Variants in CNTNAP2 observed in about 807,000 individuals in gnomAD.
CNTNAP2 encodes the protein contactin associated protein 2.
Under a neutral mutation model 155.2 loss-of-function variants are expected in CNTNAP2, and 98 were observed. That is an observed-to-expected ratio of 0.63 (90% confidence interval 0.54 to 0.75). The LOEUF (loss-of-function observed/expected upper bound fraction) is 0.75. Among genes scored for constraint, CNTNAP2 ranks in the 30% least tolerant of loss-of-function variants. CNTNAP2 has a pLI of 0.00. For synonymous variants in CNTNAP2, 651 were observed against 631.2 expected, an observed-to-expected ratio of 1.03 and a Z score of -0.47; for missense variants, 1,727 against 1,688.1, an observed-to-expected ratio of 1.02 and a Z score of -0.40.
intron 11 of CNTNAP2, among the ~76,000 whole-genome samples, chr7:147,492,167 C>G (rs1438832681): frequency 6.6e-6 from 1 of 152,152 alleles, no homozygotes; most frequent in Non-Finnish European, 1.5e-5. Flanking sequence ...TGAAACTGTT[C>G]CACCTCAGAT....
intron 1 of CNTNAP2, among the ~76,000 whole-genome samples, chr7:146,666,182 T>C (rs1800191632): frequency 1.3e-5 from 2 of 152,126 alleles, no homozygotes; most frequent in Non-Finnish European, 2.9e-5. Context: ...GTGTCTTCTA[T>C]TATACTTTTT....
chr7:146,206,932 G>A (rs1235160652), intron 1 of CNTNAP2, among the ~76,000 whole-genome samples: 2 of 151,750 alleles, frequency 1.3e-5, no homozygotes, highest in East Asian at 3.9e-4. Context: ...TTTCTTTTAT[G>A]CTATTTTTGC....
chr7:148,371,654 A>G (rs1206823517), intron 21 of CNTNAP2, among the ~76,000 whole-genome samples: 3 of 152,230 alleles, frequency 2.0e-5, no homozygotes, highest in South Asian at 4.1e-4. Flanking sequence ...ACTCTCATGC[A>G]TCACTGAACG....
chr7:146,835,047 A>G (rs1803589995), intron 2 of CNTNAP2, among the ~76,000 whole-genome samples: 1 of 152,196 alleles, frequency 6.6e-6, no homozygotes, highest in African/African-American at 2.4e-5. Flanking sequence ...TATTCTCTCC[A>G]CATATATTTC....
intron 1 of CNTNAP2, among the ~76,000 whole-genome samples, chr7:146,421,372 C>T (rs533220064): frequency 3.7e-4 from 56 of 152,030 alleles, no homozygotes; most frequent in African/African-American, 1.3e-3. Context: ...GTCCCTGGCT[C>T]TTGCTTAACT....
chr7:146,767,372 G>A lies in CNTNAP2; in HGVS notation c.98-6899G>A, dbSNP rs10280082. ...TCAGTAAGTGAAAAGGTATGTTAAA[G>A]ACCAGATTGTAAATGTTTTTTGTTT... On this transcript the variant is annotated intron_variant, in intron 1 of 23. Transcript: ENST00000361727. Among the ~76,000 whole-genome samples, 1,322 of 152,056 alleles carry A rather than the reference G, an allele frequency of 8.7e-3. 21 individuals are homozygous for A. The highest frequency in any genetic ancestry group is 0.03 in the African/African-American group (1,239 of 41,346).
intron 1 of CNTNAP2, among the ~76,000 whole-genome samples, chr7:146,154,890 G>A (rs1487149573): frequency 1.3e-5 from 2 of 152,160 alleles, no homozygotes; most frequent in African/African-American, 4.8e-5. Flanking sequence ...ATACTCTTCA[G>A]GGGGTTTCCT....
At position 147,128,814 on chromosome 7, in the gene CNTNAP2, A is replaced by G. The variant is rs1180365569; in HGVS notation, c.1061A>G (p.Lys354Arg). 1.2e-6 allele frequency: 2 copies of G among 1,614,058 alleles called. No individual in the cohort carries two copies. Among genetic ancestry groups the G allele is most frequent in the African/African-American group, 1.3e-5 (1 of 75,044 alleles). ...AACATTACTGATCTTGCCAGAAGGA[A>G]GAAATTAGAGCCCTCAAATGTGGTA... ...GVNITDLARRKKLEPSNVGNL... is the reference protein window; with the variant it reads ...GVNITDLARRRKLEPSNVGNL... The change falls in exon 7 of 24, where the codon AAG (lysine) becomes AGG (arginine). Residue 354 changes from lysine (K) to arginine (R), a missense_variant. Coordinates refer to ENST00000361727, the MANE Select transcript of CNTNAP2 (RefSeq NM_014141.6).
intron 12 of CNTNAP2, among the ~76,000 whole-genome samples, chr7:147,582,905 G>A (rs1376337305): frequency 6.6e-6 from 1 of 152,082 alleles, no homozygotes; most frequent in Non-Finnish European, 1.5e-5. Flanking sequence ...CTAATCCCCA[G>A]AGCCTATTTA....
chr7:148,073,962 G>A (rs551243512), intron 15 of CNTNAP2, among the ~76,000 whole-genome samples: 3 of 152,202 alleles, frequency 2.0e-5, no homozygotes, highest in Non-Finnish European at 4.4e-5. Context: ...GGTATAGAAG[G>A]GGGTCCTGGA....
intron 12 of CNTNAP2, among the ~76,000 whole-genome samples, chr7:147,581,644 A>G (rs1233368993): frequency 6.6e-6 from 1 of 152,206 alleles, no homozygotes; most frequent in Non-Finnish European, 1.5e-5. Flanking sequence ...AAGCATTGTG[A>G]CATATTATCA....
chr7:147,236,661 C>G (rs1222285960), intron 8 of CNTNAP2, among the ~76,000 whole-genome samples: 3 of 151,424 alleles, frequency 2.0e-5, no homozygotes, highest in Admixed American at 2.0e-4. Context: ...AAAGAAATTT[C>G]TATTTTATTC....
intron 17 of CNTNAP2, among the ~76,000 whole-genome samples, chr7:148,159,845 T>G (rs185528260): frequency 6.6e-6 from 1 of 152,360 alleles, no homozygotes; most frequent in African/African-American, 2.4e-5. Flanking sequence ...GATGTGTTCA[T>G]GATCTTCTTG....
intron 21 of CNTNAP2, among the ~76,000 whole-genome samples, chr7:148,361,581 G>T (rs996427920): frequency 6.6e-6 from 1 of 152,134 alleles, no homozygotes; most frequent in Non-Finnish European, 1.5e-5. Flanking sequence ...CTCTCTGCCT[G>T]TGTCTCCACC....
At chr7:146,159,444 G>A (rs1315856459) in intron 1 of CNTNAP2, among the ~76,000 whole-genome samples, 2 of 152,108 alleles carry the variant, frequency 1.3e-5, no homozygotes, top group African/African-American at 4.8e-5. Flanking sequence ...ACACAGACTG[G>A]CAAATTGGAT....
chr7:146,208,011 A>T (rs184752088), intron 1 of CNTNAP2, among the ~76,000 whole-genome samples: 1 of 152,070 alleles, frequency 6.6e-6, no homozygotes, highest in Non-Finnish European at 1.5e-5. Context: ...AAATAGAAAC[A>T]AAAAGCTGTT....
At chr7:146,997,045 G>A (rs1164073999) in intron 3 of CNTNAP2, among the ~76,000 whole-genome samples, 3 of 152,132 alleles carry the variant, frequency 2.0e-5, no homozygotes, top group African/African-American at 7.2e-5. Flanking sequence ...CAGCCACATG[G>A]AACTCTGAGT....
chr7:147,842,463 A>C, intron 13 of CNTNAP2, among the ~76,000 whole-genome samples: 1 of 152,022 alleles, frequency 6.6e-6, no homozygotes, highest in Non-Finnish European at 1.5e-5. Flanking sequence ...AACTGCTATA[A>C]GTATATGCAG....
chr7:147,402,691 A>G (rs1796937513), intron 10 of CNTNAP2, among the ~76,000 whole-genome samples: 1 of 152,196 alleles, frequency 6.6e-6, no homozygotes, highest in African/African-American at 2.4e-5. Flanking sequence ...GCTGAAATAA[A>G]TCATGGCATA....
Sources: allele counts gnomAD v4.1 joint callset (sites outside exome capture counted in the v4.1 genomes callset), GRCh38; gene constraint gnomAD v4.1.1; transcripts MANE v1.5; gene names NCBI Gene and HGNC (gene_info 2026-07-23, HGNC 2026-07-21).